The following RAD51B variants were observed in gnomAD, a reference collection of about 807,000 sequenced individuals.
The protein encoded by RAD51B is RAD51 paralog B, also known as DNA repair protein RAD51 homolog 2.
Under a neutral mutation model 42.2 loss-of-function variants are expected in RAD51B, and 38 were observed. The observed-to-expected ratio is 0.90, with a 90% CI of 0.70 to 1.18. The LOEUF (loss-of-function observed/expected upper bound fraction) is 1.18. Among genes scored for constraint, RAD51B ranks in the 50% most tolerant of loss-of-function variants. RAD51B has a pLI of 0.00. For missense variants in RAD51B, 373 were observed against 400.7 expected (o/e 0.93, Z 0.59); for synonymous variants, 154 against 145.2 (o/e 1.06, Z -0.43).
chr14:68,239,520 T>TA (rs1397208528), intron 7 of RAD51B, among the ~76,000 whole-genome samples: 1 of 151,726 alleles, frequency 6.6e-6, no homozygotes, highest in Non-Finnish European at 1.5e-5. Context: ...TTTTTTTTTT[T>TA]CTTTTTTAAA....
chr14:68,631,531 A>G (rs1362758907), intron 10 of RAD51B, among the ~76,000 whole-genome samples: 1 of 152,180 alleles, frequency 6.6e-6, no homozygotes, highest in Non-Finnish European at 1.5e-5. Flanking sequence ...AATGGATGGA[A>G]CTTGACTCAA....
intron 7 of RAD51B, among the ~76,000 whole-genome samples, chr14:68,230,360 C>T (rs532141893): frequency 3.3e-5 from 5 of 152,280 alleles, no homozygotes; most frequent in East Asian, 3.9e-4. Flanking sequence ...CTAATGGTCA[C>T]GTCAAGGCAC....
At chr14:67,878,291 T>C (rs2042792678) in intron 5 of RAD51B, among the ~76,000 whole-genome samples, 1 of 152,212 alleles carries the variant, frequency 6.6e-6, no homozygotes, top group African/African-American at 2.4e-5. Context: ...GCTCATTGTT[T>C]TAACTATTGT....
chr14:67,965,028 G>A (rs1241554898), intron 7 of RAD51B, among the ~76,000 whole-genome samples: 2 of 152,166 alleles, frequency 1.3e-5, no homozygotes, highest in Non-Finnish European at 2.9e-5. Context: ...TGAATTAAAT[G>A]CACATGGTAT....
At chr14:67,919,875 G>A (rs2044266851) in intron 7 of RAD51B, among the ~76,000 whole-genome samples, 1 of 152,194 alleles carries the variant, frequency 6.6e-6, no homozygotes, top group South Asian at 2.1e-4. Context: ...TTGAGCATCT[G>A]TAATTGAACT....
intron 7 of RAD51B, among the ~76,000 whole-genome samples, chr14:68,232,838 A>G (rs1188901357): frequency 6.6e-6 from 1 of 152,290 alleles, no homozygotes; most frequent in East Asian, 1.9e-4. Flanking sequence ...CCAGCTTTCA[A>G]ATCTCTCCAA....
chr14:68,146,406 C>G (rs1418652646), intron 7 of RAD51B, among the ~76,000 whole-genome samples: 3 of 152,090 alleles, frequency 2.0e-5, no homozygotes, highest in African/African-American at 7.2e-5. Context: ...GCCTGGGCAA[C>G]AGACTGAGAC....
At chr14:68,342,268 A>G (rs775698885) in intron 8 of RAD51B, among the ~76,000 whole-genome samples, 2 of 152,182 alleles carry the variant, frequency 1.3e-5, no homozygotes, top group Non-Finnish European at 2.9e-5. Flanking sequence ...TATCCTATCT[A>G]CTGCTTATAT....
chr14:68,539,861 G>A (rs572012216), intron 10 of RAD51B, among the ~76,000 whole-genome samples: 16 of 152,218 alleles, frequency 1.1e-4, no homozygotes, highest in Non-Finnish European at 1.0e-4. Context: ...TTCCTCATCT[G>A]GGTGAAAGGA....
At chr14:68,145,190 G>T (rs2078223894) in intron 7 of RAD51B, among the ~76,000 whole-genome samples, 1 of 152,194 alleles carries the variant, frequency 6.6e-6, no homozygotes, top group Non-Finnish European at 1.5e-5. Flanking sequence ...CCACAGCCAG[G>T]CTGACAAGTC....
At chr14:67,980,797 G>A (rs990620384) in intron 7 of RAD51B, among the ~76,000 whole-genome samples, 1 of 151,952 alleles carries the variant, frequency 6.6e-6, no homozygotes, top group Non-Finnish European at 1.5e-5. Flanking sequence ...GAATACATAG[G>A]GAGAAAGTCT....
intron 7 of RAD51B, among the ~76,000 whole-genome samples, chr14:67,967,411 C>T (rs2074802803): frequency 1.3e-5 from 2 of 152,214 alleles, no homozygotes; most frequent in Admixed American, 1.3e-4. Flanking sequence ...CAAAAGTCCA[C>T]AGTCCAAAGT....
intron 8 of RAD51B, among the ~76,000 whole-genome samples, chr14:68,309,542 C>T (rs2139721038): frequency 6.6e-6 from 1 of 152,272 alleles, no homozygotes; most frequent in East Asian, 1.9e-4. Context: ...CTGTATCTTC[C>T]AAGATCATAA....
chr14:68,572,330 C>T (rs1594985869), intron 10 of RAD51B, among the ~76,000 whole-genome samples: 1 of 152,242 alleles, frequency 6.6e-6, no homozygotes, highest in Non-Finnish European at 1.5e-5. Flanking sequence ...CAGCTGCCTC[C>T]CAGACGTCAC....
At chr14:68,057,287 C>T (rs1038691334) in intron 7 of RAD51B, among the ~76,000 whole-genome samples, 119 of 152,090 alleles carry the variant, frequency 7.8e-4, no homozygotes, top group African/African-American at 2.8e-3. Context: ...TGTAATAGTT[C>T]TTTCCAATGA....
chr14:68,273,965 C>A (rs1206328098), intron 7 of RAD51B, among the ~76,000 whole-genome samples: 1 of 152,050 alleles, frequency 6.6e-6, no homozygotes, highest in African/African-American at 2.4e-5. Flanking sequence ...TAATGTTTTA[C>A]AAATCTAGTA....
intron 7 of RAD51B, among the ~76,000 whole-genome samples, chr14:68,172,217 A>C (rs2078886674): frequency 6.6e-6 from 1 of 152,164 alleles, no homozygotes. Context: ...CATTTTGAAA[A>C]GGTAGAGAAA....
At chr14:68,480,855 AG>A (rs1407165695), downstream of RAD51B, among the ~76,000 whole-genome samples, 2 of 152,122 alleles carry the variant, frequency 1.3e-5, no homozygotes, top group Admixed American at 6.5e-5. Context: ...AACCAACTTC[AG>A]GGGAGGGAAC....
At chr14:68,429,199 G>A (rs911393627) in intron 9 of RAD51B, among the ~76,000 whole-genome samples, 4 of 152,188 alleles carry the variant, frequency 2.6e-5, no homozygotes, top group Non-Finnish European at 4.4e-5. Flanking sequence ...ATTGTGTATA[G>A]TGCTGCAATA....
Sources: allele counts gnomAD v4.1 joint callset (sites outside exome capture counted in the v4.1 genomes callset), GRCh38; gene constraint gnomAD v4.1.1; transcripts MANE v1.5; gene names NCBI Gene and HGNC (gene_info 2026-07-23, HGNC 2026-07-21).